Variants in DLGAP2 observed in about 807,000 individuals in gnomAD.
The protein encoded by DLGAP2 is disks large-associated protein 2.
In DLGAP2, 26 loss-of-function variants were observed where a neutral mutation model predicts 100.3. The observed-to-expected ratio is 0.26, with a 90% CI of 0.19 to 0.36. The LOEUF (loss-of-function observed/expected upper bound fraction) is 0.36, where lower values mean the gene tolerates loss of function less well. Among genes scored for constraint, DLGAP2 ranks in the 10% least tolerant of loss-of-function variants. DLGAP2 has a pLI of 1.00. For synonymous variants in DLGAP2, 886 were observed against 630.1 expected, an observed-to-expected ratio of 1.41 and a Z score of -6.08; for missense variants, 1,858 against 1,453.2, an observed-to-expected ratio of 1.28 and a Z score of -4.53.
intron 3 of DLGAP2, among the ~76,000 whole-genome samples, chr8:1,353,272 C>T (rs7828342): frequency 0.15 from 22,906 of 152,210 alleles, 2,133 homozygotes; most frequent in East Asian, 0.31. Context: ...CACATGTGAA[C>T]AGAGGGACAG....
chr8:893,856 C>G (rs771280100), intron 1 of DLGAP2, among the ~76,000 whole-genome samples: 1 of 152,258 alleles, frequency 6.6e-6, no homozygotes, highest in Non-Finnish European at 1.5e-5. Context: ...CGAGCCCCTC[C>G]TCTTGCTGTG....
chr8:1,608,717 C>T (rs1796902394), intron 6 of DLGAP2, among the ~76,000 whole-genome samples: 2 of 144,168 alleles, frequency 1.4e-5, no homozygotes, highest in South Asian at 4.8e-4. Flanking sequence ...AGCTGAAAAC[C>T]AAGGCTCGAG....
At chr8:916,042 ACT>A (rs1191791297) in intron 2 of DLGAP2, among the ~76,000 whole-genome samples, 2 of 134,254 alleles carry the variant, frequency 1.5e-5, no homozygotes, top group East Asian at 4.5e-4. Flanking sequence ...GACTCTCTGC[ACT>A]CTCTTTTTTC....
chr8:1,184,840 C>G (rs559554523), intron 2 of DLGAP2, among the ~76,000 whole-genome samples: 1 of 152,166 alleles, frequency 6.6e-6, no homozygotes, highest in Non-Finnish European at 1.5e-5. Flanking sequence ...CACGCCTTGG[C>G]CTTATAATCT....
chr8:1,518,055 C>G (rs148284778), intron 4 of DLGAP2, among the ~76,000 whole-genome samples: 19 of 152,336 alleles, frequency 1.2e-4, no homozygotes, highest in Non-Finnish European at 2.6e-4. Flanking sequence ...GTGATTAAAA[C>G]TGATGGCTGC....
At chr8:770,770 C>T (rs1821335450) in intron 1 of DLGAP2, among the ~76,000 whole-genome samples, 1 of 152,138 alleles carries the variant, frequency 6.6e-6, no homozygotes, top group Non-Finnish European at 1.5e-5. Context: ...AATCCTGGGG[C>T]AGGCATCACA....
chr8:829,860 G>A (rs888963701), intron 1 of DLGAP2, among the ~76,000 whole-genome samples: 3 of 152,128 alleles, frequency 2.0e-5, no homozygotes, highest in Non-Finnish European at 4.4e-5. Context: ...TATTCAAAAT[G>A]TGTTCATAGC....
intron 4 of DLGAP2, among the ~76,000 whole-genome samples, chr8:1,545,476 C>G (rs528190961): frequency 6.6e-6 from 1 of 152,230 alleles, no homozygotes; most frequent in East Asian, 1.9e-4. Flanking sequence ...CTCTCAATGA[C>G]AAAAATGGTG....
chr8:1,001,160 G>A (rs913301835), intron 2 of DLGAP2, among the ~76,000 whole-genome samples: 1 of 152,112 alleles, frequency 6.6e-6, no homozygotes, highest in African/African-American at 2.4e-5. Flanking sequence ...TTTCTTGTAT[G>A]CTTGCTGCTA....
chr8:954,317 T>C (rs1563112143), intron 2 of DLGAP2, among the ~76,000 whole-genome samples: 1 of 152,190 alleles, frequency 6.6e-6, no homozygotes, highest in Non-Finnish European at 1.5e-5. Flanking sequence ...CATCTATAAG[T>C]GAAAATTTGT....
At chr8:1,580,000 C>T (rs1259504030) in intron 6 of DLGAP2, among the ~76,000 whole-genome samples, 2 of 152,302 alleles carry the variant, frequency 1.3e-5, no homozygotes, top group East Asian at 1.9e-4. Context: ...ACACCTCCAC[C>T]GAAAGCCTGA....
chr8:969,801 C>A (rs1459193371), intron 2 of DLGAP2, among the ~76,000 whole-genome samples: 3 of 152,122 alleles, frequency 2.0e-5, no homozygotes, highest in African/African-American at 7.2e-5. Context: ...TTGCATCAGA[C>A]TCTGATTTAT....
chr8:1,036,406 G>A (rs1311168987), intron 2 of DLGAP2, among the ~76,000 whole-genome samples: 1 of 152,268 alleles, frequency 6.6e-6, no homozygotes, highest in African/African-American at 2.4e-5. Context: ...CGAGAGCTCA[G>A]CTCCTCAGGG....
At chr8:1,681,340 A>C (rs1433559944) in intron 12 of DLGAP2, among the ~76,000 whole-genome samples, 1 of 151,990 alleles carries the variant, frequency 6.6e-6, no homozygotes, top group African/African-American at 2.4e-5. Flanking sequence ...TTAAAAAAAA[A>C]TAGAATCCTC....
At chr8:810,273 A>G (rs1563043618) in intron 1 of DLGAP2, among the ~76,000 whole-genome samples, 1 of 152,212 alleles carries the variant, frequency 6.6e-6, no homozygotes, top group Non-Finnish European at 1.5e-5. Context: ...ATACTTGACA[A>G]TTTAATATTG....
At chr8:918,109 AGTTTTGT>A (rs1798633914) in intron 2 of DLGAP2, among the ~76,000 whole-genome samples, 2 of 152,114 alleles carry the variant, frequency 1.3e-5, no homozygotes, top group Non-Finnish European at 2.9e-5. Flanking sequence ...AATTTACCTA[AGTTTTGT>A]GCCTTCCCCA....
chr8:1,080,136 G>C (rs1327040234), intron 2 of DLGAP2, among the ~76,000 whole-genome samples: 1 of 152,214 alleles, frequency 6.6e-6, no homozygotes, highest in Non-Finnish European at 1.5e-5. Flanking sequence ...TTCGCTGGGG[G>C]GTTGCAGTGG....
Position 1,162,588 on chromosome 8 carries a change from A to G in DLGAP2, c.74-96263A>G, listed in dbSNP as rs144569908. On this transcript the variant is annotated intron_variant, in intron 2 of 14. Transcript: ENST00000637795. ...TAATAGTCAATGACATTCAGAATAA[A>G]TGATGTGCAATGTGAGCGTGCATAG... Among the ~76,000 whole-genome samples the G allele has an allele frequency of 3.6e-3, 551 of 152,384 alleles. 1 individual carries two copies. Among genetic ancestry groups the G allele is most frequent in the Middle Eastern group, 6.8e-3 (2 of 294 alleles).
At chr8:1,345,465 C>G (rs6558455) in intron 3 of DLGAP2, among the ~76,000 whole-genome samples, 24,743 of 152,224 alleles carry the variant, frequency 0.16, 2,202 homozygotes, top group East Asian at 0.34. Flanking sequence ...AATGATTTCA[C>G]TCTCTCTCCC....
Sources: allele counts gnomAD v4.1 joint callset (sites outside exome capture counted in the v4.1 genomes callset), GRCh38; gene constraint gnomAD v4.1.1; transcripts MANE v1.5; gene names NCBI Gene and HGNC (gene_info 2026-07-23, HGNC 2026-07-21).